CWF19L2: variants seen among roughly 807,000 people sequenced by gnomAD.
CWF19L2 encodes CWF19 like cell cycle control factor 2.
CWF19L2 carries 98 observed loss-of-function variants against 111.7 expected under a neutral mutation model. The ratio of observed to expected loss-of-function variants is 0.88; its 90% CI spans 0.75 to 1.04. CWF19L2 has a LOEUF of 1.04. CWF19L2 is among the 50% of genes least tolerant of loss of function. The probability of loss-of-function intolerance (pLI) is 0.00; values close to 1 mark genes in which losing one functional copy is unlikely to be tolerated. For synonymous variants in CWF19L2, 351 were observed against 342.9 expected, an observed-to-expected ratio of 1.02 and a Z score of -0.26; for missense variants, 1,101 against 1,051.4, an observed-to-expected ratio of 1.05 and a Z score of -0.65.
In CWF19L2 at chr11:107,334,914, C is replaced by T. The variant is rs952516699; in HGVS notation, c.2406G>A (p.Leu802=). 4 of 1,607,792 alleles carry T rather than the reference C, an allele frequency of 2.5e-6. No homozygotes were observed. Among genetic ancestry groups the T allele is most frequent in the Admixed American group, 1.7e-5 (1 of 59,980 alleles). The change falls in exon 16 of 18, where the codon TTG becomes TTA. Residue 802 remains leucine (L), a synonymous_variant. Transcript: ENST00000282251. ...TGATATCTTTTGAAGAGAGATCTAT[C>T]AACTTCTTGTTCATGGACCACTCTT... The part of the protein sequence containing the change: ...SDEEWSMNKK[L]IDLSSKDIRK...
chr11:107,450,315 C>A (rs1186806579), intron 3 of CWF19L2, among the ~76,000 whole-genome samples: 1 of 151,880 alleles, frequency 6.6e-6, no homozygotes, highest in African/African-American at 2.4e-5. Flanking sequence ...ATACAGAGTA[C>A]AATAAAATAA....
chr11:107,379,689 G>A (rs1326427710), intron 12 of CWF19L2, among the ~76,000 whole-genome samples: 1 of 152,152 alleles, frequency 6.6e-6, no homozygotes, highest in Non-Finnish European at 1.5e-5. Flanking sequence ...AACCATGAAA[G>A]CTAATTTGTT....
At chr11:107,443,884 C>T (rs540511876) in intron 3 of CWF19L2, among the ~76,000 whole-genome samples, 2 of 152,292 alleles carry the variant, frequency 1.3e-5, no homozygotes, top group South Asian at 4.1e-4. Context: ...AAACTAGGGC[C>T]ACCTTATCCT....
chr11:107,361,433 G>C (rs1455380381), intron 12 of CWF19L2, among the ~76,000 whole-genome samples: 2 of 151,998 alleles, frequency 1.3e-5, no homozygotes, highest in African/African-American at 2.4e-5. Flanking sequence ...TATTGTTTTT[G>C]CTTAGGATTT....
At chr11:107,391,052 T>C (rs542674518) in intron 11 of CWF19L2, among the ~76,000 whole-genome samples, 1 of 152,304 alleles carries the variant, frequency 6.6e-6, no homozygotes, top group South Asian at 2.1e-4. Flanking sequence ...CTTACACCAG[T>C]GGTTTGCCAG....
intron 12 of CWF19L2, among the ~76,000 whole-genome samples, chr11:107,388,964 A>G (rs1207054912): frequency 1.3e-5 from 2 of 152,184 alleles, no homozygotes; most frequent in Admixed American, 6.5e-5. Flanking sequence ...TACAAAAGCC[A>G]TTTCCATTTA....
chr11:107,418,490 GC>G (rs1355836951), intron 8 of CWF19L2, among the ~76,000 whole-genome samples: 1 of 152,040 alleles, frequency 6.6e-6, no homozygotes, highest in Non-Finnish European at 1.5e-5. Flanking sequence ...ACCACCTATG[GC>G]AGTTATAATA....
At chr11:107,455,290 ATTAT>A (rs1247604641) in intron 2 of CWF19L2, among the ~76,000 whole-genome samples, 1 of 152,172 alleles carries the variant, frequency 6.6e-6, no homozygotes, top group Non-Finnish European at 1.5e-5. Flanking sequence ...TTACACAATT[ATTAT>A]TTGTCAATTA....
chr11:107,348,684 T>G, intron 14 of CWF19L2: 1 of 208,736 alleles, frequency 4.8e-6, no homozygotes, highest in Non-Finnish European at 9.6e-6. Context: ...AGACTGATTT[T>G]TTTAAGTAAA....
intron 14 of CWF19L2, among the ~76,000 whole-genome samples, chr11:107,345,753 T>G (rs1245368983): frequency 6.6e-6 from 1 of 152,194 alleles, no homozygotes; most frequent in African/African-American, 2.4e-5. Context: ...TCAAGCATGA[T>G]GTTCTCCATA....
chr11:107,372,265 G>A (rs1353081329), intron 12 of CWF19L2, among the ~76,000 whole-genome samples: 1 of 135,758 alleles, frequency 7.4e-6, no homozygotes, highest in African/African-American at 3.0e-5. Flanking sequence ...CTAACAGAGG[G>A]AGTAAACGAG....
intron 14 of CWF19L2, among the ~76,000 whole-genome samples, chr11:107,339,975 T>C (rs1422548608): frequency 6.6e-6 from 1 of 152,176 alleles, no homozygotes; most frequent in African/African-American, 2.4e-5. Flanking sequence ...GCCAATTTCC[T>C]AATTGGATTG....
intron 14 of CWF19L2, among the ~76,000 whole-genome samples, chr11:107,338,357 A>G (rs1175127640): frequency 6.6e-6 from 1 of 152,116 alleles, no homozygotes; most frequent in Non-Finnish European, 1.5e-5. Flanking sequence ...AGAATGTTAC[A>G]TGAATAGAAC....
chr11:107,328,716 A>T (rs946030741), intron 17 of CWF19L2, among the ~76,000 whole-genome samples: 1 of 152,102 alleles, frequency 6.6e-6, no homozygotes, highest in Admixed American at 6.5e-5. Flanking sequence ...TCTAGGACCA[A>T]ATTTTTGTTT....
In CWF19L2 at chr11:107,393,041, CTA is replaced by C; in HGVS notation, c.1618-148_1618-147del. ...AAATCTCCTGGATTTTCATTACTCT[CTA>C]TACTATAAAATGAACATAATCTTTT... On this transcript the variant is annotated intron_variant, in intron 10 of 17. Coordinates refer to ENST00000282251, the MANE Select transcript of CWF19L2 (RefSeq NM_152434.3). 7.9e-6 allele frequency: 4 copies of C among 504,588 alleles called. No homozygotes were observed. In the South Asian group the frequency reaches 1.0e-4, roughly 13 times the overall value. 31.3% of individuals were successfully genotyped at this position (504,588 alleles called of 1,614,324 possible).
chr11:107,361,918 T>C (rs1378533310), intron 12 of CWF19L2, among the ~76,000 whole-genome samples: 2 of 152,154 alleles, frequency 1.3e-5, no homozygotes, highest in Non-Finnish European at 2.9e-5. Context: ...GGTACCGGGT[T>C]CATCTCACTA....
Position 107,439,124 on chromosome 11 carries a change from T to C in CWF19L2, c.630A>G (p.Pro210=), listed in dbSNP as rs1238471534. ...TCGATGACACACTACAGTCTTCAGG[T>C]GGAAGACCTGTCCCACCATCCTTCC... The part of the protein sequence containing the change: ...PYWKDGGTGL[P]PEDCSVSSIT... Residue 210 remains proline (P), a synonymous_variant, in exon 6 of 18, where the codon CCA becomes CCG. Coordinates refer to ENST00000282251, the MANE Select transcript of CWF19L2 (RefSeq NM_152434.3). 11 of 1,604,432 alleles carry C rather than the reference T, an allele frequency of 6.9e-6. No individual in the cohort carries two copies. The highest frequency in any genetic ancestry group is 1.3e-5 in the African/African-American group (1 of 74,134).
At chr11:107,351,744 G>A (rs1860158713) in intron 13 of CWF19L2, among the ~76,000 whole-genome samples, 1 of 152,090 alleles carries the variant, frequency 6.6e-6, no homozygotes, top group Admixed American at 6.5e-5. Flanking sequence ...CTGGCCTTAT[G>A]ACTCATAAGG....
At chr11:107,433,579 T>A in intron 7 of CWF19L2, 55 bp downstream of exon 7, 1 of 744,056 alleles carries the variant, frequency 1.3e-6, no homozygotes, top group East Asian at 3.3e-5. Flanking sequence ...TAAAGGCACT[T>A]AATTTTTCAC....
Sources: gnomAD v4.1 joint callset for allele counts (sites outside exome capture counted in the v4.1 genomes callset) on GRCh38, gnomAD v4.1.1 for gene constraint, MANE v1.5 for transcripts, NCBI Gene and HGNC (gene_info 2026-07-23, HGNC 2026-07-21) for gene names.